The following DHRS4L2 variants were observed in gnomAD, a reference collection of about 807,000 sequenced individuals.
The protein encoded by DHRS4L2 is dehydrogenase/reductase SDR family member 4-like 2.
In DHRS4L2, 22 loss-of-function variants were observed where a neutral mutation model predicts 23.9. The ratio of observed to expected loss-of-function variants is 0.92; its 90% CI spans 0.66 to 1.31. The LOEUF (loss-of-function observed/expected upper bound fraction) is 1.31. Among genes scored for constraint, DHRS4L2 ranks in the 40% most tolerant of loss-of-function variants. DHRS4L2 has a pLI of 0.00. For synonymous variants in DHRS4L2, 141 were observed against 123.7 expected (o/e 1.14, Z -0.93); for missense variants, 385 against 303.3 (o/e 1.27, Z -2.00).
At chr14:23,989,530 T>A (rs1392551678) in intron 1 of DHRS4L2, among the ~76,000 whole-genome samples, 1 of 151,458 alleles carries the variant, frequency 6.6e-6, no homozygotes, top group Non-Finnish European at 1.5e-5. Flanking sequence ...GTGTCGAGAC[T>A]TTTTTTTAGG....
At chr14:23,990,639 C>T in intron 2 of DHRS4L2, 1 of 1,210,478 alleles carries the variant, frequency 8.3e-7, no homozygotes, top group Non-Finnish European at 1.0e-6. Flanking sequence ...TAAATACAAT[C>T]ACAAAATAGA....
chr14:23,980,890 G>A (rs868632507), intron 1 of DHRS4L2, among the ~76,000 whole-genome samples: 16 of 151,534 alleles, frequency 1.1e-4, no homozygotes, highest in South Asian at 2.1e-4. Flanking sequence ...TTTGAAAATC[G>A]GCACAAGACA....
intron 3 of DHRS4L2, among the ~76,000 whole-genome samples, chr14:24,000,598 T>C (rs1407695367): frequency 6.6e-6 from 1 of 151,796 alleles, no homozygotes; most frequent in Non-Finnish European, 1.5e-5. Flanking sequence ...CTGGCCCAAA[T>C]CATACTTGGC....
intron 2 of DHRS4L2, among the ~76,000 whole-genome samples, chr14:23,992,475 C>T (rs2034289803): frequency 1.3e-5 from 2 of 151,422 alleles, no homozygotes; most frequent in South Asian, 4.2e-4. Context: ...ATAAGAAAAG[C>T]CACTGCCCTG....
intron 1 of DHRS4L2, among the ~76,000 whole-genome samples, chr14:23,983,238 T>G (rs575532374): frequency 6.6e-6 from 1 of 151,796 alleles, no homozygotes; most frequent in Admixed American, 6.6e-5. Context: ...GAACAGACAC[T>G]TCTCAAAAGA....
At chr14:23,999,344 TAAAAAA>T (rs71426825) in intron 3 of DHRS4L2, among the ~76,000 whole-genome samples, 15 of 53,666 alleles carry the variant, frequency 2.8e-4, no homozygotes, top group South Asian at 9.2e-4. Flanking sequence ...CTCCAATTTG[TAAAAAA>T]AAAAAAAAAA....
intron 3 of DHRS4L2, among the ~76,000 whole-genome samples, chr14:23,999,366 A>AC (rs1594474969): frequency 1.4e-5 from 2 of 142,250 alleles, no homozygotes; most frequent in East Asian, 2.1e-4. Context: ...AAAAAAAAAA[A>AC]AAAAAAAACA....
chr14:24,005,700 T>C (rs1315304702), intron 7 of DHRS4L2, among the ~76,000 whole-genome samples, 186 bp from the exon 8 acceptor site: 2 of 152,156 alleles, frequency 1.3e-5, no homozygotes, highest in Admixed American at 1.3e-4. Flanking sequence ...GAGTACAGTA[T>C]GCTTATACTA....
intron 4 of DHRS4L2, 42 bp downstream of exon 4, chr14:24,000,975 C>A: frequency 6.2e-7 from 1 of 1,611,462 alleles, no homozygotes; most frequent in South Asian, 1.1e-5. Flanking sequence ...GGGGACCCCA[C>A]ACAGGCTGAG....
chr14:24,004,264 G>A lies in DHRS4L2; in HGVS notation c.666-73G>A, dbSNP rs529830145. 9.2e-4 allele frequency: 1,275 copies of A among 1,381,264 alleles called. 33 individuals are homozygous for A. The East Asian group carries it at 0.014, about 15-fold the overall frequency. 85.6% of individuals were successfully genotyped at this position (1,381,264 alleles called of 1,614,324 possible). ...GGCCTGGGCAAAAGAGCAAGACTCCGTCTCTAAAAAAAAAAAAAAAAAAAG... is the reference window on the plus strand; with the variant it reads ...GGCCTGGGCAAAAGAGCAAGACTCCATCTCTAAAAAAAAAAAAAAAAAAAG... On this transcript the variant is annotated intron_variant, in intron 6 of 7. Transcript: ENST00000335125.
intron 1 of DHRS4L2, among the ~76,000 whole-genome samples, chr14:23,975,957 C>G (rs1191560244): frequency 6.6e-6 from 1 of 151,386 alleles, no homozygotes; most frequent in Admixed American, 6.6e-5. Flanking sequence ...AAAATTAACT[C>G]AAGATGGATT....
At chr14:23,981,664 A>C (rs948595514) in intron 1 of DHRS4L2, among the ~76,000 whole-genome samples, 1 of 151,620 alleles carries the variant, frequency 6.6e-6, no homozygotes, top group Non-Finnish European at 1.5e-5. Flanking sequence ...GAGTTCCCTC[A>C]GCATTTATTA....
chr14:23,992,856 T>G (rs940615026), intron 2 of DHRS4L2, among the ~76,000 whole-genome samples: 2 of 146,372 alleles, frequency 1.4e-5, no homozygotes, highest in African/African-American at 5.1e-5. Context: ...AGTTCATTTT[T>G]TAAATTTTTT....
At chr14:23,995,156 C>T (rs72692120) in intron 3 of DHRS4L2, 23 bp downstream of exon 3, 51,657 of 1,586,592 alleles carry the variant, frequency 0.033, 1,681 homozygotes, top group Non-Finnish European at 0.038. Flanking sequence ...TAAAGAAGCG[C>T]GGAAGGGGGC....
upstream of DHRS4L2, among the ~76,000 whole-genome samples, chr14:23,986,472 C>A (rs1384140390): frequency 3.4e-5 from 5 of 148,506 alleles, no homozygotes; most frequent in African/African-American, 1.2e-4. Flanking sequence ...AAAACCTGCA[C>A]GTTGTACACG....
At chr14:23,984,731 C>T (rs1566490545), upstream of DHRS4L2, among the ~76,000 whole-genome samples, 1 of 137,582 alleles carries the variant, frequency 7.3e-6, no homozygotes, top group South Asian at 2.4e-4. Context: ...CGCTTGAACC[C>T]GGGAGGCAGA....
intron 1 of DHRS4L2, among the ~76,000 whole-genome samples, chr14:23,983,354 T>C (rs191060018): frequency 2.0e-5 from 3 of 151,776 alleles, no homozygotes; most frequent in Admixed American, 2.0e-4. Flanking sequence ...CCAGTTAGAA[T>C]GGCAATCATT....
chr14:23,994,078 C>G lies in DHRS4L2; in HGVS notation c.307-954C>G, dbSNP rs1037668153. On this transcript the variant is annotated intron_variant, in intron 2 of 7. Coordinates refer to ENST00000335125, the MANE Select transcript of DHRS4L2 (RefSeq NM_198083.4). ...TCTGAACCTGTTTCATCATCTCCAC[C>G]TTAAGGACACTGGAATAGATGATCT... Among the ~76,000 whole-genome samples, 14 of 151,874 alleles carry G rather than the reference C, an allele frequency of 9.2e-5. 1 individual carries two copies. The highest frequency in any genetic ancestry group is 3.4e-4 in the African/African-American group (14 of 41,472).
At chr14:23,998,070 T>C (rs1227369714) in intron 3 of DHRS4L2, among the ~76,000 whole-genome samples, 1 of 151,926 alleles carries the variant, frequency 6.6e-6, no homozygotes, top group Non-Finnish European at 1.5e-5. Flanking sequence ...ATTAATCTCC[T>C]TGTACATCTC....
Sources: allele counts gnomAD v4.1 joint callset (sites outside exome capture counted in the v4.1 genomes callset), GRCh38; gene constraint gnomAD v4.1.1; transcripts MANE v1.5; gene names NCBI Gene and HGNC (gene_info 2026-07-23, HGNC 2026-07-21).